Variants in MAML3 observed in about 807,000 individuals in gnomAD.
MAML3 encodes the protein mastermind like transcriptional coactivator 3.
A neutral mutation model predicts 101.9 loss-of-function variants in MAML3; 27 were observed. The ratio of observed to expected loss-of-function variants is 0.27; its 90% CI spans 0.20 to 0.37. MAML3 has a LOEUF of 0.37. MAML3 is among the 10% of genes least tolerant of loss of function. The pLI, the probability that MAML3 is intolerant of heterozygous loss-of-function variation, is 1.00. For synonymous variants in MAML3, 501 were observed against 555.9 expected (o/e 0.90, Z 1.39); for missense variants, 1,316 against 1,444.9 (o/e 0.91, Z 1.45).
intron 1 of MAML3, among the ~76,000 whole-genome samples, chr4:139,901,167 G>A (rs1732711020): frequency 6.6e-6 from 1 of 152,226 alleles, no homozygotes; most frequent in Admixed American, 6.5e-5. Context: ...TCACAGAAAA[G>A]CCTTGTGCTT....
chr4:139,969,724 G>T (rs1036607632), intron 1 of MAML3, among the ~76,000 whole-genome samples: 3 of 152,098 alleles, frequency 2.0e-5, no homozygotes, highest in Middle Eastern at 3.4e-3. Flanking sequence ...TATTCATAGG[G>T]CCTACTGTAG....
At chr4:140,100,646 TAA>T (rs112694604) in intron 1 of MAML3, among the ~76,000 whole-genome samples, 2 of 144,994 alleles carry the variant, frequency 1.4e-5, no homozygotes, top group East Asian at 2.0e-4. Flanking sequence ...TTAGGTGTAT[TAA>T]AAAAAAAAAA....
chr4:140,151,042 T>A (rs1578711638), intron 1 of MAML3, among the ~76,000 whole-genome samples: 1 of 151,712 alleles, frequency 6.6e-6, no homozygotes, highest in Non-Finnish European at 1.5e-5. Context: ...ACAGCCGCGA[T>A]GAAGCGGGCA....
intron 1 of MAML3, among the ~76,000 whole-genome samples, chr4:140,039,783 T>C (rs1727050403): frequency 6.6e-6 from 1 of 152,206 alleles, no homozygotes; most frequent in African/African-American, 2.4e-5. Flanking sequence ...TGGGTGCTAG[T>C]GCACTGCTGT....
intron 1 of MAML3, among the ~76,000 whole-genome samples, chr4:139,980,204 G>A (rs1734420372): frequency 6.6e-6 from 1 of 152,158 alleles, no homozygotes; most frequent in South Asian, 2.1e-4. Flanking sequence ...GATCCCTCAT[G>A]TCATCTGGAA....
rs566018391 is a variant in MAML3 at position 139,748,663 on chromosome 4, T to G, written c.2080-17996A>C. Reference sequence around the variant, plus strand: ...GACCACAGCTGTGCTTTCTATAGTCTATATGTTTCTGGGGTAAGGAGCAAA... The same window carrying G: ...GACCACAGCTGTGCTTTCTATAGTCGATATGTTTCTGGGGTAAGGAGCAAA... On this transcript the variant is annotated intron_variant, in intron 2 of 4. Coordinates refer to ENST00000509479, the MANE Select transcript of MAML3 (RefSeq NM_018717.5). Among the ~76,000 whole-genome samples, 3 of 152,262 alleles carry G rather than the reference T, an allele frequency of 2.0e-5. No individual in the cohort carries two copies. The East Asian group carries it at 5.8e-4, about 29-fold the overall frequency.
chr4:139,788,010 A>T (rs1220346591), intron 2 of MAML3, among the ~76,000 whole-genome samples: 1 of 152,234 alleles, frequency 6.6e-6, no homozygotes, highest in Non-Finnish European at 1.5e-5. Context: ...AGAATGAAGC[A>T]TTATTTGGTG....
chr4:140,088,361 C>A (rs1358448915), intron 1 of MAML3, among the ~76,000 whole-genome samples: 7 of 152,158 alleles, frequency 4.6e-5, no homozygotes, highest in African/African-American at 1.7e-4. Flanking sequence ...ACCCCAATTT[C>A]TCCATCATGA....
chr4:139,757,011 T>TCC (rs1219372227), intron 2 of MAML3, among the ~76,000 whole-genome samples: 4 of 152,136 alleles, frequency 2.6e-5, no homozygotes, highest in Non-Finnish European at 5.9e-5. Flanking sequence ...CCTTGCCCAC[T>TCC]GCGCTCTGGT....
intron 1 of MAML3, among the ~76,000 whole-genome samples, chr4:140,019,340 A>G (rs938149384): frequency 6.6e-6 from 1 of 152,216 alleles, no homozygotes; most frequent in Non-Finnish European, 1.5e-5. Flanking sequence ...TCACCATATT[A>G]CAATGATCTG....
At chr4:139,743,968 G>C (rs898127323) in intron 2 of MAML3, among the ~76,000 whole-genome samples, 2 of 152,220 alleles carry the variant, frequency 1.3e-5, no homozygotes, top group Non-Finnish European at 2.9e-5. Flanking sequence ...TATGGCCATA[G>C]AGTCCTGCCA....
intron 1 of MAML3, among the ~76,000 whole-genome samples, chr4:139,897,837 T>C (rs1189972716): frequency 2.6e-5 from 4 of 152,190 alleles, no homozygotes; most frequent in African/African-American, 9.7e-5. Context: ...CTCTCCAGGC[T>C]TAGCCATTAC....
intron 1 of MAML3, among the ~76,000 whole-genome samples, chr4:139,952,831 C>T (rs896527052): frequency 6.6e-6 from 1 of 152,168 alleles, no homozygotes; most frequent in African/African-American, 2.4e-5. Context: ...AGGACTCCCC[C>T]AAATCCCCTA....
At chr4:139,959,399 A>T (rs138070622) in intron 1 of MAML3, among the ~76,000 whole-genome samples, 9 of 152,268 alleles carry the variant, frequency 5.9e-5, no homozygotes, top group Non-Finnish European at 1.3e-4. Context: ...CAAGGCTTCC[A>T]TAGCACTTTA....
chr4:139,736,692 G>T (rs1728960867), intron 2 of MAML3, among the ~76,000 whole-genome samples: 1 of 152,142 alleles, frequency 6.6e-6, no homozygotes, highest in South Asian at 2.1e-4. Context: ...AAATGCATTA[G>T]TCCCCACCTG....
At chr4:139,894,007 C>A (rs1209260480) in intron 1 of MAML3, among the ~76,000 whole-genome samples, 2 of 152,092 alleles carry the variant, frequency 1.3e-5, no homozygotes, top group Non-Finnish European at 2.9e-5. Context: ...CACTCGGGTA[C>A]TCTCTTATTC....
At chr4:139,968,066 G>A (rs191232400) in intron 1 of MAML3, among the ~76,000 whole-genome samples, 2 of 151,978 alleles carry the variant, frequency 1.3e-5, no homozygotes, top group African/African-American at 2.4e-5. Context: ...ATTACCTGAG[G>A]TCAGGAGTTC....
Position 140,144,720 on chromosome 4 carries a change from C to T in MAML3, c.468+8140G>A, listed in dbSNP as rs118179666. Among the ~76,000 whole-genome samples the T allele has an allele frequency of 1.6e-3, 241 of 152,196 alleles. 4 individuals are homozygous for T. In the East Asian group the frequency reaches 0.042, roughly 27 times the overall value. ...TATATTCGAGTTTCAGCAAGTTCTC[C>T]AAGTTCAGAATAGGTTACTAAAAGC... On this transcript the variant is annotated intron_variant, in intron 1 of 4. Transcript: ENST00000509479.
rs1259768168 is a variant in MAML3 at position 139,889,335 on chromosome 4, AGT to A, written c.2079+20_2079+21del. On this transcript the variant is annotated intron_variant, in intron 2 of 4. Transcript: ENST00000509479. The stretch of plus-strand genomic sequence containing the variant: ...AATGCACCACAAGAACTGCTCGAAG[AGT>A]GTGTCACTTTCACACTTACCTGACC... 2 of 1,614,006 alleles carry A rather than the reference AGT, an allele frequency of 1.2e-6. No individual in the cohort carries two copies. Among genetic ancestry groups the A allele is most frequent in the Admixed American group, 3.3e-5 (2 of 60,030 alleles).
Sources: allele counts gnomAD v4.1 joint callset (sites outside exome capture counted in the v4.1 genomes callset), GRCh38; gene constraint gnomAD v4.1.1; transcripts MANE v1.5; gene names NCBI Gene and HGNC (gene_info 2026-07-23, HGNC 2026-07-21).